DCN: variants seen among roughly 807,000 people sequenced by gnomAD.
DCN encodes the protein bone proteoglycan II.
Under a neutral mutation model 36.5 loss-of-function variants are expected in DCN, and 17 were observed. That is an observed-to-expected ratio of 0.47 (90% CI 0.32 to 0.70). The LOEUF is 0.70. Ranked by LOEUF, DCN falls within the 30% of genes least tolerant of loss-of-function variation. The probability of loss-of-function intolerance (pLI) is 0.04; values close to 1 mark genes in which losing one functional copy is unlikely to be tolerated. For synonymous variants in DCN, 163 were observed against 161.4 expected, an observed-to-expected ratio of 1.01 and a Z score of -0.07; for missense variants, 389 against 430.1, an observed-to-expected ratio of 0.90 and a Z score of 0.84.
In DCN at chr12:91,146,352, T is replaced by C. The variant is rs1404431540; in HGVS notation, c.886-100A>G. 4.2e-5 allele frequency: 6 copies of C among 143,684 alleles called. No individual in the cohort carries two copies. In the East Asian group the frequency reaches 4.7e-4, roughly 11 times the overall value. 8.9% of individuals were successfully genotyped at this position (143,684 alleles called of 1,614,324 possible). On this transcript the variant is annotated intron_variant, in intron 7 of 7. Coordinates refer to ENST00000052754, the MANE Select transcript of DCN (RefSeq NM_001920.5). ...TTTTTATTATTTTTTAATCCTTCAC[T>C]TTTTTTTTTTTTTTTTTTTTTTGAG... is the stretch of plus-strand genomic sequence containing the variant.
rs941023183 is a variant in DCN, at chr12:91,141,221, G to A, written c.*4837C>T. The A allele has an allele frequency of 6.6e-6, 1 of 152,016 alleles. No individual in the cohort carries two copies. The highest frequency in any genetic ancestry group is 1.5e-5 in the Non-Finnish European group (1 of 68,028). The allele number at this position is 152,016 out of a possible 1,614,324, so 9.4% of individuals were successfully genotyped here. ...TTACAATGGCCTAAAAAGTCCTACAGGATGCGATTGTCATTACCTTTCTGA... is the reference window on the plus strand; with the variant it reads ...TTACAATGGCCTAAAAAGTCCTACAAGATGCGATTGTCATTACCTTTCTGA... On this transcript the variant is annotated 3_prime_UTR_variant, in exon 8 of 8. Coordinates refer to ENST00000052754, the MANE Select transcript of DCN (RefSeq NM_001920.5).
At chr12:91,172,920 A>C (rs1883065628) in intron 2 of DCN, 2 of 568,228 alleles carry the variant, frequency 3.5e-6, no homozygotes, top group Non-Finnish European at 6.1e-6. Flanking sequence ...ATATTGTATA[A>C]TCACAGATAT....
rs1450075673 is a variant in DCN, at chr12:91,180,079, T to C, written c.-33-1494A>G. ...CTTGATTATATAGCAGCAAAGTCAT[T>C]TGGGAGATGAAATATTTTTTAAATT... On this transcript the variant is annotated intron_variant, in intron 1 of 7. Transcript: ENST00000052754. 2.0e-5 allele frequency: 3 copies of C among 152,118 alleles called. No homozygotes were observed. In the East Asian group the frequency reaches 5.8e-4, roughly 29 times the overall value. The allele number at this position is 152,118 out of a possible 1,614,324, so 9.4% of individuals were successfully genotyped here.
chr12:91,148,322 C>A (rs558997685), intron 7 of DCN, among the ~76,000 whole-genome samples: 1 of 152,146 alleles, frequency 6.6e-6, no homozygotes, highest in East Asian at 2.0e-4. Context: ...ATCCGCCCAC[C>A]TCAGCCTCCC....
chr12:91,171,039 T>C (rs1041460179), intron 2 of DCN, among the ~76,000 whole-genome samples: 10 of 152,172 alleles, frequency 6.6e-5, no homozygotes, highest in Non-Finnish European at 8.8e-5. Flanking sequence ...ATTCATAAAA[T>C]GATATAAAAA....
In DCN at chr12:91,145,911, C is replaced by T; in HGVS notation, c.*147G>A. 1.5e-6 allele frequency: 1 copy of T among 677,932 alleles called. No individual in the cohort carries two copies. The highest frequency in any genetic ancestry group is 2.7e-5 in the East Asian group (1 of 36,768). 42.0% of individuals were successfully genotyped at this position (677,932 alleles called of 1,614,324 possible). A position where few individuals can be genotyped will look rare whatever the true frequency, so the allele number is the denominator to read the frequency against. On this transcript the variant is annotated 3_prime_UTR_variant, in exon 8 of 8. Transcript: ENST00000052754. ...TTTTTATTGTAGGCAATTACTTAAA[C>T]TGGAAATTTGGCTTTATGCATAATA...
chr12:91,145,645 A>C lies in DCN; in HGVS notation c.*413T>G. ...GCTTTACCAGTAATGATGGGGATTA[A>C]TACAGAGCTAGTGTTTGGCATTTGA... On this transcript the variant is annotated 3_prime_UTR_variant, in exon 8 of 8. Transcript: ENST00000052754. 3.3e-6 allele frequency: 1 copy of C among 301,420 alleles called. No homozygotes were observed. The highest frequency in any genetic ancestry group is 6.5e-6 in the Non-Finnish European group (1 of 153,478). The allele number at this position is 301,420 out of a possible 1,614,324, so 18.7% of individuals were successfully genotyped here.
At chr12:91,155,643 T>G (rs1881721955) in intron 5 of DCN, among the ~76,000 whole-genome samples, 1 of 152,086 alleles carries the variant, frequency 6.6e-6, no homozygotes, top group Non-Finnish European at 1.5e-5. Context: ...TCTATCTATC[T>G]ATCTATCTAT....
chr12:91,167,084 T>G (rs1882617534), intron 2 of DCN, among the ~76,000 whole-genome samples: 1 of 152,140 alleles, frequency 6.6e-6, no homozygotes. Context: ...AATGACAAAA[T>G]GTGGATTAGA....
chr12:91,146,790 T>A (rs1881055835), intron 7 of DCN, among the ~76,000 whole-genome samples: 1 of 152,222 alleles, frequency 6.6e-6, no homozygotes, highest in African/African-American at 2.4e-5. Flanking sequence ...ATGCTCAGGC[T>A]ATATACATTG....
chr12:91,175,552 A>G lies in DCN; in HGVS notation c.211+2790T>C, dbSNP rs1471012844. ...AGAATATTTCTTAGTGGTAAAAAGT[A>G]GTCAAACATTTTAATTTAAAAAGTT... On this transcript the variant is annotated intron_variant, in intron 2 of 7. Coordinates refer to ENST00000052754, the MANE Select transcript of DCN (RefSeq NM_001920.5). The G allele has an allele frequency of 3.3e-5, 5 of 152,112 alleles. No individual in the cohort carries two copies. In the East Asian group the frequency reaches 9.6e-4, roughly 29 times the overall value. 9.4% of individuals were successfully genotyped at this position (152,112 alleles called of 1,614,324 possible).
intron 1 of DCN, 89 bp from the exon 2 acceptor site, chr12:91,178,674 A>G (rs1181552855): frequency 1.3e-6 from 1 of 796,866 alleles, no homozygotes; most frequent in African/African-American, 1.7e-5. Context: ...CAGTGAGCAC[A>G]GAGAAAAGAT....
chr12:91,181,102 A>G (rs1031871902), intron 1 of DCN: 3 of 151,882 alleles, frequency 2.0e-5, no homozygotes, highest in Non-Finnish European at 4.4e-5. Flanking sequence ...TATAACTTCA[A>G]TCACCGACCT....
chr12:91,161,627 G>T (rs1882160964), intron 3 of DCN, among the ~76,000 whole-genome samples: 1 of 152,190 alleles, frequency 6.6e-6, no homozygotes, highest in South Asian at 2.1e-4. Context: ...CCCAAAGGTC[G>T]GAACCTCCAG....
At chr12:91,150,249 C>A (rs1050413754) in intron 7 of DCN, among the ~76,000 whole-genome samples, 1 of 152,094 alleles carries the variant, frequency 6.6e-6, no homozygotes, top group Non-Finnish European at 1.5e-5. Flanking sequence ...CAGAAATAAA[C>A]CCTTACATTT....
chr12:91,172,757 T>G (rs747400460), intron 2 of DCN: 4 of 700,206 alleles, frequency 5.7e-6, no homozygotes, highest in Non-Finnish European at 1.0e-5. Context: ...GCCATGCATA[T>G]GTTCGTGTAT....
intron 4 of DCN, among the ~76,000 whole-genome samples, chr12:91,157,420 T>C (rs1052211711): frequency 6.6e-6 from 1 of 152,144 alleles, no homozygotes; most frequent in Non-Finnish European, 1.5e-5. Context: ...TAATAATGAC[T>C]TATGAAAAAG....
rs534070866 is a variant in DCN at position 91,144,483 on chromosome 12, C to T, written c.*1575G>A. On this transcript the variant is annotated 3_prime_UTR_variant, in exon 8 of 8. Transcript: ENST00000052754. ...GAAGAAAAAGAGAGGTTTCTTCCCTCTTATTAAAAATACTGGAAAATTCAG... is the reference window on the plus strand; with the variant it reads ...GAAGAAAAAGAGAGGTTTCTTCCCTTTTATTAAAAATACTGGAAAATTCAG... 3 of 152,166 alleles carry T rather than the reference C, an allele frequency of 2.0e-5. No individual in the cohort carries two copies. Among genetic ancestry groups the T allele is most frequent in the Admixed American group, 1.3e-4 (2 of 15,286 alleles). 9.4% of individuals were successfully genotyped at this position (152,166 alleles called of 1,614,324 possible).
intron 2 of DCN, among the ~76,000 whole-genome samples, chr12:91,171,750 T>G (rs3138190): frequency 0.052 from 7,905 of 152,256 alleles, 274 homozygotes; most frequent in Middle Eastern, 0.095. Flanking sequence ...CTTAAGATTA[T>G]AAATCCCGGG....
Sources: gnomAD v4.1 joint callset for allele counts (sites outside exome capture counted in the v4.1 genomes callset) on GRCh38, gnomAD v4.1.1 for gene constraint, MANE v1.5 for transcripts, NCBI Gene and HGNC (gene_info 2026-07-23, HGNC 2026-07-21) for gene names.